Variants in RAP1B observed in about 807,000 individuals in gnomAD.
RAP1B encodes the protein RAP1B, member of RAS oncogene family, also known as ras-related protein Rap-1b.
A neutral mutation model predicts 27.5 loss-of-function variants in RAP1B; 1 was observed. The ratio of observed to expected loss-of-function variants is 0.04; its 90% CI spans 0.01 to 0.17. RAP1B has a LOEUF of 0.17. Among genes scored for constraint, RAP1B ranks in the 10% least tolerant of loss-of-function variants. RAP1B has a pLI of 1.00. For missense variants in RAP1B, 84 were observed against 214.8 expected (o/e 0.39, Z 3.81); for synonymous variants, 75 against 73.1 (o/e 1.03, Z -0.13).
chr12:68,619,476 CAA>C (rs1871246700), intron 1 of RAP1B, among the ~76,000 whole-genome samples: 1 of 152,106 alleles, frequency 6.6e-6, no homozygotes, highest in South Asian at 2.1e-4. Flanking sequence ...GAAATCTTTA[CAA>C]AGTGTCAGCT....
intron 4 of RAP1B, among the ~76,000 whole-genome samples, chr12:68,653,231 T>C (rs1873942431): frequency 6.6e-6 from 1 of 152,022 alleles, no homozygotes; most frequent in African/African-American, 2.4e-5. Context: ...AATATTTTGA[T>C]TGGTATCTGT....
intron 1 of RAP1B, among the ~76,000 whole-genome samples, chr12:68,614,404 A>G (rs1262960946): frequency 6.6e-6 from 1 of 152,194 alleles, no homozygotes; most frequent in Non-Finnish European, 1.5e-5. Flanking sequence ...GTTGCTAAAG[A>G]GGAGGTTGGG....
At chr12:68,643,076 T>C (rs1873137729) in intron 1 of RAP1B, 1 of 657,840 alleles carries the variant, frequency 1.5e-6, no homozygotes, top group Admixed American at 2.7e-5. Flanking sequence ...TCTTAAAATT[T>C]CTTTCAGAGT....
chr12:68,664,652 T>A lies in RAP1B; in HGVS notation c.*5403T>A, dbSNP rs1874770982. The A allele has an allele frequency of 6.6e-6, 1 of 151,638 alleles. No homozygotes were observed. The highest frequency in any genetic ancestry group is 2.4e-5 in the African/African-American group (1 of 41,238). The allele number at this position is 151,638 out of a possible 1,614,324, so 9.4% of individuals were successfully genotyped here. ...TGAACCTGGGAGGCCGAGGTTGCAGTGAGCTGAGATCACACCACTGCACTT... is the reference window on the plus strand; with the variant it reads ...TGAACCTGGGAGGCCGAGGTTGCAGAGAGCTGAGATCACACCACTGCACTT... On this transcript the variant is annotated 3_prime_UTR_variant, in exon 8 of 8. Transcript: ENST00000250559.
At chr12:68,626,788 G>A (rs912104233) in intron 1 of RAP1B, 27 of 1,163,322 alleles carry the variant, frequency 2.3e-5, no homozygotes, top group Non-Finnish European at 3.1e-5. Context: ...TTTTTTTGTT[G>A]TTTGTTTGTT....
intron 1 of RAP1B, among the ~76,000 whole-genome samples, chr12:68,625,779 G>A (rs760654729): frequency 6.6e-6 from 1 of 152,050 alleles, no homozygotes; most frequent in African/African-American, 2.4e-5. Flanking sequence ...AAAATTAGCC[G>A]AGCGTGGTGG....
At chr12:68,637,206 ATAAC>A (rs1410368560) in intron 1 of RAP1B, among the ~76,000 whole-genome samples, 2 of 152,184 alleles carry the variant, frequency 1.3e-5, no homozygotes, top group African/African-American at 2.4e-5. Flanking sequence ...GATGATGGTA[ATAAC>A]TAACATGTAA....
At chr12:68,632,977 G>T (rs1872373671) in intron 1 of RAP1B, among the ~76,000 whole-genome samples, 2 of 152,112 alleles carry the variant, frequency 1.3e-5, no homozygotes, top group South Asian at 4.2e-4. Flanking sequence ...CAGTTGGCAG[G>T]CGATTTTTAT....
intron 1 of RAP1B, among the ~76,000 whole-genome samples, chr12:68,622,175 G>T (rs909342765): frequency 2.0e-5 from 3 of 152,122 alleles, no homozygotes; most frequent in Non-Finnish European, 4.4e-5. Flanking sequence ...AGAGAAAGTT[G>T]GACTAAATGG....
chr12:68,618,781 TAAAA>T (rs1352356805), intron 1 of RAP1B, among the ~76,000 whole-genome samples: 1 of 152,084 alleles, frequency 6.6e-6, no homozygotes, highest in Non-Finnish European at 1.5e-5. Context: ...GATGAAGAAG[TAAAA>T]AAATTTTAAA....
In RAP1B at chr12:68,666,224, T is replaced by A. The variant is rs1178045569; in HGVS notation, c.*6975T>A. On this transcript the variant is annotated 3_prime_UTR_variant, in exon 8 of 8. Coordinates refer to ENST00000250559, the MANE Select transcript of RAP1B (RefSeq NM_001010942.3). ...TAATGTAAACTTTATTTTCTCTCAA[T>A]TTTCGTAAGTGGTATTTTGGTGCTT... is the stretch of plus-strand genomic sequence containing the variant. 19 of 152,238 alleles carry A rather than the reference T, an allele frequency of 1.2e-4. No individual in the cohort carries two copies. The highest frequency in any genetic ancestry group is 1.2e-3 in the Admixed American group (19 of 15,284). 9.4% of individuals were successfully genotyped at this position (152,238 alleles called of 1,614,324 possible).
chr12:68,658,696 A>T (rs528872940), intron 7 of RAP1B, among the ~76,000 whole-genome samples: 27 of 152,360 alleles, frequency 1.8e-4, no homozygotes, highest in Admixed American at 7.8e-4. Flanking sequence ...ATGGAATTAG[A>T]AATTATATAA....
intron 5 of RAP1B, among the ~76,000 whole-genome samples, chr12:68,654,738 A>C (rs904801100): frequency 4.0e-5 from 6 of 151,222 alleles, no homozygotes; most frequent in Non-Finnish European, 8.8e-5. Flanking sequence ...CAGCCTCCCA[A>C]AGTGCTGGGA....
At chr12:68,630,679 G>GT (rs971172907) in intron 1 of RAP1B, among the ~76,000 whole-genome samples, 177 of 151,620 alleles carry the variant, frequency 1.2e-3, no homozygotes, top group African/African-American at 3.4e-3. Context: ...TTTTGTTTTT[G>GT]TTTTTTTGTT....
chr12:68,616,672 G>C (rs991593739), intron 1 of RAP1B, among the ~76,000 whole-genome samples: 1 of 151,988 alleles, frequency 6.6e-6, no homozygotes, highest in African/African-American at 2.4e-5. Context: ...GACCTCAGGT[G>C]ATCCACCTGG....
At position 68,671,471 on chromosome 12, in the gene RAP1B, T is replaced by A. The variant is rs997377311; in HGVS notation, c.*12222T>A. 3 of 152,196 alleles carry A rather than the reference T, an allele frequency of 2.0e-5. No individual in the cohort carries two copies. Among genetic ancestry groups the A allele is most frequent in the Non-Finnish European group, 4.4e-5 (3 of 68,026 alleles). 9.4% of individuals were successfully genotyped at this position (152,196 alleles called of 1,614,324 possible). ...GATTCATGCATAATATAGAACATTA[T>A]GCATTCATTTAAAAATGAGTTTGAT... On this transcript the variant is annotated 3_prime_UTR_variant, in exon 8 of 8. Coordinates refer to ENST00000250559, the MANE Select transcript of RAP1B (RefSeq NM_001010942.3).
At chr12:68,646,124 C>G (rs1873389053) in intron 1 of RAP1B, among the ~76,000 whole-genome samples, 2 of 152,276 alleles carry the variant, frequency 1.3e-5, no homozygotes, top group African/African-American at 4.8e-5. Context: ...ACTCAGCCAC[C>G]TTTGTGAAAT....
At chr12:68,626,785 GTTGTTTGT>G (rs539507516) in intron 1 of RAP1B, 30 of 1,208,406 alleles carry the variant, frequency 2.5e-5, no homozygotes, top group Non-Finnish European at 3.1e-5. Context: ...TTTTTTTTTT[GTTGTTTGT>G]TTGTTTGTTT....
chr12:68,627,219 A>G, intron 1 of RAP1B: 1 of 1,460,224 alleles, frequency 6.8e-7, no homozygotes, highest in Non-Finnish European at 9.5e-7. Flanking sequence ...AGAAACATGA[A>G]CATCCATCTG....
Sources: gnomAD v4.1 joint callset for allele counts (sites outside exome capture counted in the v4.1 genomes callset) on GRCh38, gnomAD v4.1.1 for gene constraint, MANE v1.5 for transcripts, NCBI Gene and HGNC (gene_info 2026-07-23, HGNC 2026-07-21) for gene names.